Variants in PMS2 observed in about 807,000 individuals in gnomAD.
PMS2 encodes PMS1 homolog 2, mismatch repair system component.
In PMS2, 69 loss-of-function variants were observed where a neutral mutation model predicts 90.0. The ratio of observed to expected loss-of-function variants is 0.77; its 90% CI spans 0.63 to 0.94. The LOEUF (loss-of-function observed/expected upper bound fraction) is 0.94, where lower values mean the gene tolerates loss of function less well. Ranked by LOEUF, PMS2 falls within the 40% of genes least tolerant of loss-of-function variation. The pLI, the probability that PMS2 is intolerant of heterozygous loss-of-function variation, is 0.00. For synonymous variants in PMS2, 332 were observed against 375.1 expected (o/e 0.89, Z 1.33); for missense variants, 966 against 1,040.2 (o/e 0.93, Z 0.98).
chr7:5,978,400 A>G (rs1179418454), intron 13 of PMS2, among the ~76,000 whole-genome samples, 196 bp downstream of exon 13: 1 of 148,362 alleles, frequency 6.7e-6, no homozygotes, highest in African/African-American at 2.5e-5. Context: ...CCTCCTGAGT[A>G]GCTGGGATTA....
rs878854031 is a variant in PMS2 at position 5,989,904 on chromosome 7, T to C, written c.1040A>G (p.Glu347Gly). 2 of 1,612,314 alleles carry C rather than the reference T, an allele frequency of 1.2e-6. No homozygotes were observed. The highest frequency in any genetic ancestry group is 1.7e-6 in the Non-Finnish European group (2 of 1,178,740). ...TPDKRQILLQ[E>G]EKLLLAVLKT... ...TAAAACTGCCAACAAAAGCTTTTCCTCTTGTAGCAAAATTTGCCTTTTATC... is the reference window on the plus strand; with the variant it reads ...TAAAACTGCCAACAAAAGCTTTTCCCCTTGTAGCAAAATTTGCCTTTTATC... Residue 347 changes from glutamate (E) to glycine (G), a missense_variant, in exon 10 of 15, where the codon GAG becomes GGG. Transcript: ENST00000265849.
At chr7:5,998,079 T>G (rs1202171286) in intron 6 of PMS2, among the ~76,000 whole-genome samples, 1 of 147,870 alleles carries the variant, frequency 6.8e-6, no homozygotes, top group Non-Finnish European at 1.5e-5. Flanking sequence ...GGTACTTTGT[T>G]TTTTTTTTTT....
At chr7:5,982,502 C>T (rs1006356178) in intron 12 of PMS2, among the ~76,000 whole-genome samples, 4 of 151,966 alleles carry the variant, frequency 2.6e-5, no homozygotes, top group Admixed American at 2.6e-4. Context: ...CCGTGCCTGG[C>T]CTTTTTGTAT....
At chr7:5,982,769 C>T (rs2128701608) in intron 12 of PMS2, 55 bp downstream of exon 12, 1 of 1,610,766 alleles carries the variant, frequency 6.2e-7, no homozygotes, top group Admixed American at 1.7e-5. Flanking sequence ...GCCTTGGCCT[C>T]TATTAGATCT....
At chr7:5,979,330 G>A (rs1385328901) in intron 12 of PMS2, among the ~76,000 whole-genome samples, 2 of 145,570 alleles carry the variant, frequency 1.4e-5, no homozygotes, top group Non-Finnish European at 3.0e-5. Flanking sequence ...GGTGGAGGTT[G>A]CAGTGAGCCA....
chr7:5,998,529 C>G (rs190780453), intron 6 of PMS2, among the ~76,000 whole-genome samples: 12 of 148,756 alleles, frequency 8.1e-5, no homozygotes, highest in Non-Finnish European at 1.6e-4. Context: ...CCCATCTCTA[C>G]TAAAAATACA....
chr7:5,981,452 C>T (rs2128695668), intron 12 of PMS2, among the ~76,000 whole-genome samples: 1 of 149,850 alleles, frequency 6.7e-6, no homozygotes, highest in South Asian at 2.2e-4. Flanking sequence ...CACCATGATG[C>T]CCAGGCTGGT....
chr7:5,995,993 A>G (rs1784355263), intron 7 of PMS2, among the ~76,000 whole-genome samples: 1 of 152,108 alleles, frequency 6.6e-6, no homozygotes, highest in African/African-American at 2.4e-5. Context: ...TGGTTTGTCA[A>G]TGAAGTCTAA....
rs1379990695 is a variant in PMS2 at position 5,983,750 on chromosome 7, C to T, written c.2007-759G>A. On this transcript the variant is annotated intron_variant, in intron 11 of 14. Coordinates refer to ENST00000265849, the MANE Select transcript of PMS2 (RefSeq NM_000535.7). ...CACTGCAACCTGCGCCTCCCAGGTT[C>T]GAGCGATTCTCCTGCCTCAGCCTCC... is the stretch of plus-strand genomic sequence containing the variant. 7.3e-5 allele frequency among the ~76,000 whole-genome samples: 11 copies of T among 151,520 alleles called. No individual in the cohort carries two copies. The East Asian group carries it at 7.7e-4, about 11-fold the overall frequency.
At chr7:6,003,101 C>T (rs1414512882) in intron 4 of PMS2, among the ~76,000 whole-genome samples, 5 of 151,902 alleles carry the variant, frequency 3.3e-5, no homozygotes, top group Non-Finnish European at 7.4e-5. Context: ...TGAGACCAGC[C>T]TAGGCAACAT....
intron 12 of PMS2, among the ~76,000 whole-genome samples, chr7:5,982,149 G>A (rs377016274): frequency 0.013 from 1,964 of 151,160 alleles, 16 homozygotes; most frequent in Middle Eastern, 0.034. Context: ...CTGAGTAGCT[G>A]GAATTACAGG....
chr7:5,982,209 T>C (rs1782355620), intron 12 of PMS2, among the ~76,000 whole-genome samples: 1 of 151,524 alleles, frequency 6.6e-6, no homozygotes, highest in Non-Finnish European at 1.5e-5. Context: ...TTTTTATCAT[T>C]ATTATTATTT....
Position 5,992,017 on chromosome 7 carries a change from C to G in PMS2, c.944G>C (p.Arg315Pro), listed in dbSNP as rs116314131. 6.2e-7 allele frequency: 1 copy of G among 1,602,730 alleles called. No homozygotes were observed. The highest frequency in any genetic ancestry group is 8.5e-7 in the Non-Finnish European group (1 of 1,169,816). ...AAGAACAACAAATGGATACTGGTGT[C>G]GATTATACATGTGGTAGACCTCATT... Reference protein sequence around the residue: ...LVNEVYHMYNRHQYPFVVLNI... With the variant: ...LVNEVYHMYNPHQYPFVVLNI... The change falls in exon 9 of 15, where the codon CGA becomes CCA. Residue 315 changes from arginine (R) to proline (P), a missense_variant. Transcript: ENST00000265849.
rs372554253 is a variant in PMS2 at position 5,991,963 on chromosome 7, T to C, written c.988+10A>G. 5.7e-6 allele frequency: 8 copies of C among 1,398,294 alleles called. No individual in the cohort carries two copies. The African/African-American group carries it at 1.1e-4, about 20-fold the overall frequency. The allele number at this position is 1,398,294 out of a possible 1,614,324, so 86.6% of individuals were successfully genotyped here. A position where few individuals can be genotyped will look rare whatever the true frequency, so the allele number is the denominator to read the frequency against. ...GTCACTAGTTGTACTGAAATGCCAA[T>C]GGAACTTACCTGAATCAACAGAAAT... On this transcript the variant is annotated intron_variant, in intron 9 of 14. Coordinates refer to ENST00000265849, the MANE Select transcript of PMS2 (RefSeq NM_000535.7).
chr7:5,998,958 C>A (rs1264913159), intron 6 of PMS2, 150 bp downstream of exon 6: 5 of 733,554 alleles, frequency 6.8e-6, no homozygotes, highest in Non-Finnish European at 1.1e-5. Context: ...CCACTGCACT[C>A]CAGCCTGGGC....
At chr7:5,982,349 G>A (rs1782374259) in intron 12 of PMS2, among the ~76,000 whole-genome samples, 1 of 152,342 alleles carries the variant, frequency 6.6e-6, no homozygotes, top group Non-Finnish European at 1.5e-5. Flanking sequence ...GGGACTACAG[G>A]CGCCCGCCAC....
chr7:5,981,312 C>T (rs1782258848), intron 12 of PMS2, among the ~76,000 whole-genome samples: 1 of 149,524 alleles, frequency 6.7e-6, no homozygotes, highest in Non-Finnish European at 1.5e-5. Context: ...TGTGCAGTGG[C>T]ACGATCATGG....
chr7:6,008,198 C>A (rs1348051738), intron 1 of PMS2, among the ~76,000 whole-genome samples: 13 of 152,122 alleles, frequency 8.5e-5, no homozygotes, highest in Admixed American at 7.2e-4. Context: ...CATTTAGACA[C>A]AGACCCCAAA....
chr7:5,988,596 CA>C (rs1783352648), intron 10 of PMS2, among the ~76,000 whole-genome samples: 2 of 152,044 alleles, frequency 1.3e-5, no homozygotes, highest in South Asian at 2.1e-4. Flanking sequence ...CTATGCTCGT[CA>C]AAAAGACGTG....
Sources: gnomAD v4.1 joint callset for allele counts (sites outside exome capture counted in the v4.1 genomes callset) on GRCh38, gnomAD v4.1.1 for gene constraint, MANE v1.5 for transcripts, NCBI Gene and HGNC (gene_info 2026-07-23, HGNC 2026-07-21) for gene names.